CACNA2D1: variants seen among roughly 807,000 people sequenced by gnomAD.
CACNA2D1 encodes the protein calcium voltage-gated channel auxiliary subunit alpha2delta 1.
Under a neutral mutation model 171.5 loss-of-function variants are expected in CACNA2D1, and 53 were observed. That is an observed-to-expected ratio of 0.31 (90% CI 0.25 to 0.39). The LOEUF is 0.39. Ranked by LOEUF, CACNA2D1 falls within the 10% of genes least tolerant of loss-of-function variation. CACNA2D1 has a pLI of 1.00. For missense variants in CACNA2D1, 903 were observed against 1,299.8 expected, an observed-to-expected ratio of 0.69 and a Z score of 4.69; for synonymous variants, 442 against 443.1, an observed-to-expected ratio of 1.00 and a Z score of 0.03.
At chr7:82,156,591 A>G (rs1175343076) in intron 4 of CACNA2D1, among the ~76,000 whole-genome samples, 2 of 152,062 alleles carry the variant, frequency 1.3e-5, no homozygotes, top group African/African-American at 4.8e-5. Flanking sequence ...TATCTTTAAA[A>G]GTATATAAAT....
chr7:82,424,311 G>A (rs1297378642), intron 1 of CACNA2D1, among the ~76,000 whole-genome samples: 1 of 152,144 alleles, frequency 6.6e-6, no homozygotes. Context: ...GAAATTTACT[G>A]AGCACCCAGT....
At chr7:82,125,077 G>T (rs1232036521) in intron 5 of CACNA2D1, among the ~76,000 whole-genome samples, 4 of 152,080 alleles carry the variant, frequency 2.6e-5, no homozygotes, top group Non-Finnish European at 4.4e-5. Flanking sequence ...AGATTATGTT[G>T]GAATTAATTT....
At chr7:82,407,228 G>C (rs954146934) in intron 1 of CACNA2D1, among the ~76,000 whole-genome samples, 14 of 152,228 alleles carry the variant, frequency 9.2e-5, no homozygotes, top group East Asian at 5.8e-4. Flanking sequence ...CACTTTGCTA[G>C]ACTATGAAAA....
intron 1 of CACNA2D1, among the ~76,000 whole-genome samples, chr7:82,379,634 T>C (rs1283279110): frequency 6.6e-6 from 1 of 152,198 alleles, no homozygotes; most frequent in Middle Eastern, 3.2e-3. Context: ...GTCTAAAATT[T>C]CAAAATTAAT....
intron 32 of CACNA2D1, among the ~76,000 whole-genome samples, chr7:81,964,917 T>C (rs555339605): frequency 6.6e-6 from 1 of 151,484 alleles, no homozygotes; most frequent in South Asian, 2.1e-4. Context: ...CTTAAACATA[T>C]ACAATAAAAA....
At chr7:82,287,997 A>AT (rs5885283) in intron 3 of CACNA2D1, among the ~76,000 whole-genome samples, 9,707 of 138,848 alleles carry the variant, frequency 0.07, 411 homozygotes, top group South Asian at 0.081. Flanking sequence ...TGCCCGGCTA[A>AT]TTTTTTTTTT....
At chr7:82,332,423 A>G (rs1817417671) in intron 3 of CACNA2D1, among the ~76,000 whole-genome samples, 1 of 152,062 alleles carries the variant, frequency 6.6e-6, no homozygotes, top group African/African-American at 2.4e-5. Flanking sequence ...TCCAACCAAC[A>G]TACCTGCTAC....
intron 5 of CACNA2D1, among the ~76,000 whole-genome samples, chr7:82,134,526 T>A (rs1791377916): frequency 6.6e-6 from 1 of 152,222 alleles, no homozygotes; most frequent in South Asian, 2.1e-4. Flanking sequence ...AATTGAGTTT[T>A]CTTCAAATGC....
chr7:82,117,331 C>A (rs2129053999), intron 5 of CACNA2D1, among the ~76,000 whole-genome samples, 158 bp from the exon 6 acceptor site: 1 of 152,214 alleles, frequency 6.6e-6, no homozygotes, highest in African/African-American at 2.4e-5. Flanking sequence ...CACAAATTTC[C>A]ATTCAGGTAT....
chr7:82,234,137 TTTTCTCTGAAATTTACA>T (rs1350880360), intron 3 of CACNA2D1, among the ~76,000 whole-genome samples: 4 of 152,074 alleles, frequency 2.6e-5, no homozygotes, highest in Non-Finnish European at 2.9e-5. Context: ...AATAATTTAC[TTTTCTCTGAAATTTACA>T]TTTCTCTGAA....
intron 12 of CACNA2D1, among the ~76,000 whole-genome samples, chr7:82,018,857 G>A (rs1006698614): frequency 3.3e-5 from 5 of 151,046 alleles, no homozygotes; most frequent in East Asian, 2.0e-4. Context: ...GGTGGCTCAC[G>A]CCTGTAATCC....
chr7:82,093,003 T>G (rs535492825), intron 6 of CACNA2D1, among the ~76,000 whole-genome samples: 124 of 152,184 alleles, frequency 8.1e-4, no homozygotes, highest in African/African-American at 2.8e-3. Flanking sequence ...GTGTGGTTTT[T>G]TTTTGTTTTG....
At chr7:82,226,464 G>C (rs759051092) in intron 3 of CACNA2D1, among the ~76,000 whole-genome samples, 1 of 152,136 alleles carries the variant, frequency 6.6e-6, no homozygotes, top group Non-Finnish European at 1.5e-5. Flanking sequence ...CTAGAGAAAG[G>C]GGAGGACTGA....
chr7:82,179,846 G>T (rs7776962), intron 3 of CACNA2D1, among the ~76,000 whole-genome samples: 87,332 of 151,592 alleles, frequency 0.58, 25,580 homozygotes, highest in Non-Finnish European at 0.65. Flanking sequence ...AAAACTAAGG[G>T]GGAGAAGTTA....
chr7:82,092,258 A>C (rs1374942949), intron 6 of CACNA2D1, among the ~76,000 whole-genome samples: 1 of 152,244 alleles, frequency 6.6e-6, no homozygotes, highest in Non-Finnish European at 1.5e-5. Context: ...AGAATCAGCT[A>C]GTTGAAAATT....
intron 6 of CACNA2D1, among the ~76,000 whole-genome samples, chr7:82,092,372 AG>A (rs1417132153): frequency 6.6e-6 from 1 of 151,770 alleles, no homozygotes; most frequent in African/African-American, 2.4e-5. Context: ...AGTACTTCAC[AG>A]TCATTTTTTT....
At chr7:82,122,901 A>G (rs1450624310) in intron 5 of CACNA2D1, among the ~76,000 whole-genome samples, 1 of 152,256 alleles carries the variant, frequency 6.6e-6, no homozygotes, top group Non-Finnish European at 1.5e-5. Flanking sequence ...AATGAGGTTT[A>G]AAACAACCTA....
chr7:82,188,971 T>C (rs1798029524), intron 3 of CACNA2D1, among the ~76,000 whole-genome samples: 1 of 151,966 alleles, frequency 6.6e-6, no homozygotes, highest in East Asian at 1.9e-4. Flanking sequence ...AAACACTGAA[T>C]ACACATGGAC....
At chr7:82,364,400 G>C (rs750263609) in intron 1 of CACNA2D1, among the ~76,000 whole-genome samples, 14 of 152,132 alleles carry the variant, frequency 9.2e-5, no homozygotes, top group Admixed American at 5.9e-4. Flanking sequence ...TTGTCCACCT[G>C]TGGATATAAA....
Sources: gnomAD v4.1 joint callset for allele counts (sites outside exome capture counted in the v4.1 genomes callset) on GRCh38, gnomAD v4.1.1 for gene constraint, MANE v1.5 for transcripts, NCBI Gene and HGNC (gene_info 2026-07-23, HGNC 2026-07-21) for gene names.